PPP6R3: variants seen among roughly 807,000 people sequenced by gnomAD.
PPP6R3 encodes the protein protein phosphatase 6 regulatory subunit 3.
Under a neutral mutation model 110.7 loss-of-function variants are expected in PPP6R3, and 38 were observed. The observed-to-expected ratio is 0.34, with a 90% CI of 0.26 to 0.45. The LOEUF is 0.45. PPP6R3 is among the 20% of genes least tolerant of loss of function. The probability of loss-of-function intolerance (pLI) is 1.00; values close to 1 mark genes in which losing one functional copy is unlikely to be tolerated. For missense variants in PPP6R3, 870 were observed against 1,062.4 expected (o/e 0.82, Z 2.52); for synonymous variants, 369 against 373.5 (o/e 0.99, Z 0.14).
At chr11:68,478,479 A>G (rs2098855218) in intron 1 of PPP6R3, among the ~76,000 whole-genome samples, 1 of 152,214 alleles carries the variant, frequency 6.6e-6, no homozygotes, top group South Asian at 2.1e-4. Context: ...TTATGTAACT[A>G]TGACAAGTGA....
intron 1 of PPP6R3, among the ~76,000 whole-genome samples, chr11:68,511,638 A>C (rs974262577): frequency 6.7e-6 from 1 of 149,704 alleles, no homozygotes; most frequent in Non-Finnish European, 1.5e-5. Context: ...GTGCCACCAC[A>C]CCTGGCTAAT....
intron 7 of PPP6R3, 167 bp from the exon 8 acceptor site, chr11:68,558,399 A>G (rs994168327): frequency 3.9e-5 from 18 of 462,068 alleles, no homozygotes; most frequent in Non-Finnish European, 6.5e-5. Flanking sequence ...TAATTTATAA[A>G]TAGGATCAAT....
At chr11:68,518,363 C>A (rs1238989083) in intron 1 of PPP6R3, among the ~76,000 whole-genome samples, 2 of 152,102 alleles carry the variant, frequency 1.3e-5, no homozygotes, top group African/African-American at 4.8e-5. Context: ...CTGCCAGAAG[C>A]ACATAACCCA....
intron 1 of PPP6R3, among the ~76,000 whole-genome samples, chr11:68,476,433 G>A (rs1019499692): frequency 4.2e-5 from 6 of 142,442 alleles, no homozygotes; most frequent in Non-Finnish European, 9.2e-5. Context: ...GCTTCGGCTG[G>A]GCATCAGAGG....
intron 1 of PPP6R3, among the ~76,000 whole-genome samples, chr11:68,492,249 T>G (rs1037943620): frequency 6.6e-6 from 1 of 152,198 alleles, no homozygotes; most frequent in Non-Finnish European, 1.5e-5. Flanking sequence ...CTCATACTCC[T>G]GGGCTCAAGG....
intron 2 of PPP6R3, among the ~76,000 whole-genome samples, chr11:68,527,717 C>T (rs551991676): frequency 1.3e-5 from 2 of 152,362 alleles, no homozygotes; most frequent in South Asian, 4.1e-4. Flanking sequence ...CTGTCTGCTT[C>T]TGCAGCAAGC....
intron 2 of PPP6R3, among the ~76,000 whole-genome samples, chr11:68,534,156 G>A (rs1036610878): frequency 6.6e-6 from 1 of 152,170 alleles, no homozygotes; most frequent in African/African-American, 2.4e-5. Flanking sequence ...GAGTAGAGAC[G>A]GGTGACTGTC....
chr11:68,563,961 C>T (rs753633820), intron 8 of PPP6R3, among the ~76,000 whole-genome samples: 3 of 152,144 alleles, frequency 2.0e-5, no homozygotes, highest in Non-Finnish European at 4.4e-5. Context: ...ATTTGGGGTG[C>T]CCTATAATCC....
Position 68,583,125 on chromosome 11 carries a change from A to T in PPP6R3, c.1628A>T (p.Gln543Leu). 1 of 1,536,284 alleles carries T rather than the reference A, an allele frequency of 6.5e-7. No homozygotes were observed. Among genetic ancestry groups the T allele is most frequent in the Non-Finnish European group, 8.8e-7 (1 of 1,135,662 alleles). Residue 543 changes from glutamine to leucine, a missense_variant, in exon 15 of 24, where the codon CAG becomes CTG. Gln to Leu is a moderately radical substitution (Grantham distance 113). Coordinates refer to ENST00000393800, the MANE Select transcript of PPP6R3 (RefSeq NM_001164161.2). ...GGTTTCTCACAGGATTCTTCTTTGC[A>T]GCAAGTGAGTCACGCCTAAAGCTTT... ...ETGFSQDSSL[Q>L]QAFSDYQMQQ... is the part of the protein sequence containing the mutation.
Position 68,613,708 on chromosome 11 carries a change from T to C in PPP6R3, c.*591T>C. 1.0e-6 allele frequency: 1 copy of C among 982,396 alleles called. No homozygotes were observed. Among genetic ancestry groups the C allele is most frequent in the Non-Finnish European group, 1.2e-6 (1 of 826,818 alleles). The allele number at this position is 982,396 out of a possible 1,614,324, so 60.9% of individuals were successfully genotyped here. On this transcript the variant is annotated 3_prime_UTR_variant, in exon 24 of 24. Coordinates refer to ENST00000393800, the MANE Select transcript of PPP6R3 (RefSeq NM_001164161.2). ...TTTTGATTGGTAATTGTTTTCTGTA[T>C]TGTTTAAAACGGATCAAAAATGTAA...
intron 1 of PPP6R3, among the ~76,000 whole-genome samples, chr11:68,518,753 T>A (rs1300721978): frequency 6.6e-6 from 1 of 152,244 alleles, no homozygotes; most frequent in Admixed American, 6.5e-5. Flanking sequence ...GGGAAAATGT[T>A]GCTATCACAA....
intron 1 of PPP6R3, among the ~76,000 whole-genome samples, chr11:68,497,227 T>TTTGTA (rs1555057060): frequency 3.9e-4 from 59 of 149,982 alleles, no homozygotes; most frequent in Non-Finnish European, 6.4e-4. Context: ...TTTTTTTTTT[T>TTTGTA]GTATTTTTAG....
chr11:68,491,799 G>A lies in PPP6R3; in HGVS notation c.-157-27702G>A, dbSNP rs111890740. ...ATTAAATCATCTTTTGGCTTCCCTG[G>A]GCCACATTGGAAGAAGAGTTGCCTT... On this transcript the variant is annotated intron_variant, in intron 1 of 23. Coordinates refer to ENST00000393800, the MANE Select transcript of PPP6R3 (RefSeq NM_001164161.2). 4.6e-5 allele frequency among the ~76,000 whole-genome samples: 7 copies of A among 151,962 alleles called. 2 individuals are homozygous for A. The highest frequency in any genetic ancestry group is 1.7e-4 in the African/African-American group (7 of 41,438).
intron 1 of PPP6R3, among the ~76,000 whole-genome samples, chr11:68,495,841 A>G (rs2099012078): frequency 6.6e-6 from 1 of 152,212 alleles, no homozygotes; most frequent in South Asian, 2.1e-4. Context: ...TCTCTTGGAT[A>G]CATACCTAGG....
chr11:68,570,293 T>C (rs2099498395), intron 11 of PPP6R3, among the ~76,000 whole-genome samples: 1 of 152,258 alleles, frequency 6.6e-6, no homozygotes, highest in South Asian at 2.1e-4. Context: ...CTGAGTTCTT[T>C]GTGATGTTGA....
intron 1 of PPP6R3, among the ~76,000 whole-genome samples, chr11:68,472,313 A>G (rs746728605): frequency 1.3e-5 from 2 of 152,170 alleles, no homozygotes; most frequent in East Asian, 1.9e-4. Context: ...TCTCTGTTAC[A>G]TTGCAGACTG....
chr11:68,477,741 A>AATATATATATATATATATAT (rs1179617745), intron 1 of PPP6R3, among the ~76,000 whole-genome samples: 33 of 57,878 alleles, frequency 5.7e-4, no homozygotes, highest in African/African-American at 1.0e-3. Flanking sequence ...AAAAAAAAAA[A>AATATATATATATATATATAT]ATATATATAT....
At chr11:68,504,443 C>T (rs867834721) in intron 1 of PPP6R3, among the ~76,000 whole-genome samples, 1 of 152,102 alleles carries the variant, frequency 6.6e-6, no homozygotes. Flanking sequence ...TCTCCAGATA[C>T]CTGTTAGGAT....
chr11:68,471,790 T>C (rs2098793654), intron 1 of PPP6R3, among the ~76,000 whole-genome samples: 1 of 152,082 alleles, frequency 6.6e-6, no homozygotes, highest in Admixed American at 6.5e-5. Flanking sequence ...AGCCACATTC[T>C]TGGGAAGGCA....
Sources: allele counts gnomAD v4.1 joint callset (sites outside exome capture counted in the v4.1 genomes callset), GRCh38; gene constraint gnomAD v4.1.1; transcripts MANE v1.5; gene names NCBI Gene and HGNC (gene_info 2026-07-23, HGNC 2026-07-21).